PGAP1: variants seen among roughly 807,000 people sequenced by gnomAD.
The protein encoded by PGAP1 is GPI inositol-deacylase.
A neutral mutation model predicts 127.0 loss-of-function variants in PGAP1; 76 were observed. That is an observed-to-expected ratio of 0.60 (90% CI 0.50 to 0.72). PGAP1 has a LOEUF of 0.72. Ranked by LOEUF, PGAP1 falls within the 30% of genes least tolerant of loss-of-function variation. The pLI is 0.00. For synonymous variants in PGAP1, 362 were observed against 366.5 expected, an observed-to-expected ratio of 0.99 and a Z score of 0.14; for missense variants, 982 against 1,071.3, an observed-to-expected ratio of 0.92 and a Z score of 1.16.
At position 196,839,970 on chromosome 2, in the gene PGAP1, C is replaced by T. The variant is rs183908103; in HGVS notation, c.*1264G>A. The T allele has an allele frequency of 6.6e-6, 1 of 152,240 alleles. No individual in the cohort carries two copies. The highest frequency in any genetic ancestry group is 1.9e-4 in the East Asian group (1 of 5,184). The allele number at this position is 152,240 out of a possible 1,614,324, so 9.4% of individuals were successfully genotyped here. On this transcript the variant is annotated 3_prime_UTR_variant, in exon 27 of 27. Coordinates refer to ENST00000354764, the MANE Select transcript of PGAP1 (RefSeq NM_024989.4). ...ACACATCTAGAAGAACTCTATAAGC[C>T]GGGTATGTCTCAGCCTGAGTTTACG... is the stretch of plus-strand genomic sequence containing the variant.
chr2:196,922,136 C>T, intron 1 of PGAP1: 1 of 1,288,874 alleles, frequency 7.8e-7, no homozygotes, highest in African/African-American at 1.5e-5. Context: ...ACAATCCTGC[C>T]TCTGCTGTCC....
intron 2 of PGAP1, among the ~76,000 whole-genome samples, chr2:196,917,158 T>C (rs1354722299): frequency 6.6e-6 from 1 of 152,200 alleles, no homozygotes; most frequent in African/African-American, 2.4e-5. Flanking sequence ...CTCTAACAGG[T>C]TCTTTACTGG....
At chr2:196,864,924 C>A in intron 20 of PGAP1, 63 bp downstream of exon 20, 1 of 849,544 alleles carries the variant, frequency 1.2e-6, no homozygotes, top group Non-Finnish European at 1.8e-6. Context: ...ATATGTGGAA[C>A]TAATAGTCAT....
chr2:196,912,354 G>A (rs925104879), intron 4 of PGAP1, among the ~76,000 whole-genome samples: 1 of 151,808 alleles, frequency 6.6e-6, no homozygotes, highest in Non-Finnish European at 1.5e-5. Context: ...AACTAAACTG[G>A]CCAGGCATGG....
At chr2:196,862,488 A>G (rs923774719) in intron 20 of PGAP1, among the ~76,000 whole-genome samples, 4 of 152,060 alleles carry the variant, frequency 2.6e-5, no homozygotes, top group Admixed American at 6.5e-5. Context: ...ATATTCTATT[A>G]CCTTGTAAAG....
At chr2:196,888,214 A>G (rs1270821470) in intron 10 of PGAP1, among the ~76,000 whole-genome samples, 1 of 152,212 alleles carries the variant, frequency 6.6e-6, no homozygotes, top group Non-Finnish European at 1.5e-5. Context: ...TATACAGGAA[A>G]GAAAATGCTA....
In PGAP1 at chr2:196,833,107, C is replaced by T. The variant is rs893496074; in HGVS notation, c.*8127G>A. ...CTACACATTAATACCTGAGCAGAGA[C>T]TGAAGGCAAATATTCATCTATTAAA... is the stretch of plus-strand genomic sequence containing the variant. On this transcript the variant is annotated 3_prime_UTR_variant, in exon 27 of 27. Transcript: ENST00000354764. 2 of 152,506 alleles carry T rather than the reference C, an allele frequency of 1.3e-5. No homozygotes were observed. The highest frequency in any genetic ancestry group is 3.9e-4 in the East Asian group (2 of 5,194). 9.4% of individuals were successfully genotyped at this position (152,506 alleles called of 1,614,324 possible).
At chr2:196,884,869 G>T (rs1480725219) in intron 12 of PGAP1, among the ~76,000 whole-genome samples, 1 of 152,126 alleles carries the variant, frequency 6.6e-6, no homozygotes, top group Non-Finnish European at 1.5e-5. Flanking sequence ...TTTTGAGACT[G>T]CGCAAATAAG....
intron 12 of PGAP1, among the ~76,000 whole-genome samples, chr2:196,880,974 A>T (rs1162397980): frequency 6.6e-6 from 1 of 152,126 alleles, no homozygotes; most frequent in Non-Finnish European, 1.5e-5. Context: ...CCCAGGTACT[A>T]AGCCTAGTTA....
At chr2:196,890,777 T>C in intron 10 of PGAP1, 51 bp downstream of exon 10, 1 of 1,050,892 alleles carries the variant, frequency 9.5e-7, no homozygotes, top group Non-Finnish European at 1.4e-6. Flanking sequence ...ATTTGAAAAA[T>C]GAACAACAGT....
Position 196,916,561 on chromosome 2 carries a change from C to A in PGAP1, c.334G>T (p.Ala112Ser). 6.2e-7 allele frequency: 1 copy of A among 1,612,476 alleles called. No individual in the cohort carries two copies. Among genetic ancestry groups the A allele is most frequent in the Non-Finnish European group, 8.5e-7 (1 of 1,179,340 alleles). The change falls in exon 3 of 27, where the codon GCA (alanine) becomes TCA (serine). Residue 112 changes from alanine to serine, a missense_variant. Ala to Ser is a moderately conservative substitution (Grantham distance 99). Coordinates refer to ENST00000354764, the MANE Select transcript of PGAP1 (RefSeq NM_024989.4). ...TGGTACTTGAAGTCAATGTCCTCTG[C>A]TTTTCTAAGTGCAATGGAGCCAATA... ...RSIGSIALRK[A>S]EDIDFKYHFD... is the part of the protein sequence containing the mutation.
intron 5 of PGAP1, among the ~76,000 whole-genome samples, chr2:196,901,187 C>G (rs756787340): frequency 6.6e-6 from 1 of 152,194 alleles, no homozygotes; most frequent in Non-Finnish European, 1.5e-5. Flanking sequence ...CAACAAATAT[C>G]TGACCAAAAT....
intron 7 of PGAP1, among the ~76,000 whole-genome samples, chr2:196,893,691 A>G (rs563334981): frequency 2.6e-5 from 4 of 152,344 alleles, no homozygotes; most frequent in Non-Finnish European, 5.9e-5. Flanking sequence ...TGCCAACACC[A>G]TAACAAAGAA....
chr2:196,836,229 A>G lies in PGAP1; in HGVS notation c.*5005T>C, dbSNP rs1470489342. 1 of 152,552 alleles carries G rather than the reference A, an allele frequency of 6.6e-6. No individual in the cohort carries two copies. The highest frequency in any genetic ancestry group is 1.5e-5 in the Non-Finnish European group (1 of 67,942). The allele number at this position is 152,552 out of a possible 1,614,324, so 9.4% of individuals were successfully genotyped here. A position where few individuals can be genotyped will look rare whatever the true frequency, so the allele number is the denominator to read the frequency against. On this transcript the variant is annotated 3_prime_UTR_variant, in exon 27 of 27. Transcript: ENST00000354764. The stretch of plus-strand genomic sequence containing the variant: ...CTGATTAATTGGTATTTCAAAACAC[A>G]GATTGTTTTTGGCAGCATAACATGC...
intron 2 of PGAP1, among the ~76,000 whole-genome samples, 200 bp from the exon 3 acceptor site, chr2:196,916,793 A>C (rs1215819780): frequency 6.6e-6 from 1 of 152,214 alleles, no homozygotes; most frequent in Non-Finnish European, 1.5e-5. Flanking sequence ...AGTGTGTCAT[A>C]AATATTTTTA....
chr2:196,905,507 T>C (rs1244695012), intron 4 of PGAP1, among the ~76,000 whole-genome samples: 1 of 151,912 alleles, frequency 6.6e-6, no homozygotes, highest in South Asian at 2.1e-4. Context: ...AATGCTGTTA[T>C]GTTAAGATGG....
chr2:196,922,602 ACACACACACAC>A, intron 1 of PGAP1: 2 of 815,826 alleles, frequency 2.5e-6, no homozygotes, highest in Non-Finnish European at 3.0e-6. Flanking sequence ...ACACACACAC[ACACACACACAC>A]ACAACAAAGC....
Position 196,926,677 on chromosome 2 carries a change from C to T in PGAP1, c.-61G>A, listed in dbSNP as rs1559377816. 2 of 1,608,622 alleles carry T rather than the reference C, an allele frequency of 1.2e-6. No individual in the cohort carries two copies. Among genetic ancestry groups the T allele is most frequent in the African/African-American group, 1.3e-5 (1 of 74,738 alleles). ...CTCTACCTCCTTCTCCGCCGCGGGG[C>T]CCCAAGCCCGGACTGAGCGTGCTAG... On this transcript the variant is annotated 5_prime_UTR_variant, in exon 1 of 27. Transcript: ENST00000354764.
chr2:196,880,285 T>G (rs1320835319), intron 12 of PGAP1, 132 bp from the exon 13 acceptor site: 4 of 535,006 alleles, frequency 7.5e-6, no homozygotes, highest in Non-Finnish European at 3.2e-6. Flanking sequence ...GTTCAGTACT[T>G]CATAAAATGC....
Sources: gnomAD v4.1 joint callset for allele counts (sites outside exome capture counted in the v4.1 genomes callset) on GRCh38, gnomAD v4.1.1 for gene constraint, MANE v1.5 for transcripts, NCBI Gene and HGNC (gene_info 2026-07-23, HGNC 2026-07-21) for gene names.